Variants in BMPR1B observed in about 807,000 individuals in gnomAD.
BMPR1B encodes the protein bone morphogenetic protein receptor type-1B.
In BMPR1B, 12 loss-of-function variants were observed where a neutral mutation model predicts 59.1. That is an observed-to-expected ratio of 0.20 (90% CI 0.13 to 0.33). The LOEUF is 0.33. Ranked by LOEUF, BMPR1B falls within the 10% of genes least tolerant of loss-of-function variation. The pLI is 1.00. For missense variants in BMPR1B, 550 were observed against 610.9 expected, an observed-to-expected ratio of 0.90 and a Z score of 1.05; for synonymous variants, 237 against 207.3, an observed-to-expected ratio of 1.14 and a Z score of -1.23.
intron 3 of BMPR1B, among the ~76,000 whole-genome samples, chr4:95,086,005 G>GTGTA (rs1553935267): frequency 2.0e-5 from 3 of 151,884 alleles, no homozygotes; most frequent in Non-Finnish European, 4.4e-5. Context: ...GTGTGTGTGT[G>GTGTA]TGTGTGTAAA....
At chr4:95,123,935 T>A (rs1732719211) in intron 7 of BMPR1B, 29 bp downstream of exon 7, 1 of 1,496,656 alleles carries the variant, frequency 6.7e-7, no homozygotes, top group Non-Finnish European at 9.3e-7. Context: ...GATGCAAAAT[T>A]TTTAATTTAT....
At chr4:94,990,087 G>T (rs1027762878) in intron 2 of BMPR1B, among the ~76,000 whole-genome samples, 1 of 152,324 alleles carries the variant, frequency 6.6e-6, no homozygotes, top group African/African-American at 2.4e-5. Context: ...GCCGGGCATG[G>T]TGGCTCATGC....
intron 10 of BMPR1B, among the ~76,000 whole-genome samples, chr4:95,140,849 A>C (rs568304046): frequency 6.6e-6 from 1 of 152,320 alleles, no homozygotes; most frequent in South Asian, 2.1e-4. Context: ...ACAAAAAAGG[A>C]AAGTGAGTAT....
At chr4:94,772,610 C>T (rs1157907991) in intron 1 of BMPR1B, among the ~76,000 whole-genome samples, 4 of 151,944 alleles carry the variant, frequency 2.6e-5, no homozygotes, top group Admixed American at 2.6e-4. Context: ...ATAAATATTG[C>T]AAAAATGTAA....
intron 6 of BMPR1B, among the ~76,000 whole-genome samples, chr4:95,117,191 T>C (rs538528826): frequency 1.1e-3 from 167 of 152,140 alleles, no homozygotes; most frequent in Middle Eastern, 0.01. Context: ...ATATAGAAAG[T>C]TTAAAATTTA....
chr4:94,876,660 C>T (rs949778300), intron 2 of BMPR1B, among the ~76,000 whole-genome samples: 4 of 152,144 alleles, frequency 2.6e-5, no homozygotes, highest in Admixed American at 6.5e-5. Context: ...TACATTGAGA[C>T]CTCCTGATCT....
At chr4:94,758,689 C>T (rs1447347378) in intron 1 of BMPR1B, among the ~76,000 whole-genome samples, 2 of 152,114 alleles carry the variant, frequency 1.3e-5, no homozygotes, top group African/African-American at 2.4e-5. Flanking sequence ...CTCTTCTCCT[C>T]TCTCTCCTGC....
chr4:94,882,114 C>CT (rs1443058419), intron 2 of BMPR1B, among the ~76,000 whole-genome samples: 1 of 152,156 alleles, frequency 6.6e-6, no homozygotes, highest in African/African-American at 2.4e-5. Context: ...TCCTATGCTA[C>CT]TGTCCCCCTC....
chr4:94,840,900 C>A lies in BMPR1B; in HGVS notation c.-182-34931C>A, dbSNP rs1221861413. ...TTTCCCCATCTTTGTGGTTTTATCT[C>A]CTTTTGGTCTTTGATGATGGTGATG... is the stretch of plus-strand genomic sequence containing the variant. On this transcript the variant is annotated intron_variant, in intron 1 of 12. Transcript: ENST00000515059. 5.5e-4 allele frequency among the ~76,000 whole-genome samples: 77 copies of A among 140,414 alleles called. 1 individual carries two copies. Among genetic ancestry groups the A allele is most frequent in the African/African-American group, 6.3e-4 (24 of 37,986 alleles). 92.1% of individuals were successfully genotyped at this position (140,414 alleles called of 152,430 possible).
At chr4:94,924,989 C>T (rs1328924781) in intron 2 of BMPR1B, among the ~76,000 whole-genome samples, 1 of 152,112 alleles carries the variant, frequency 6.6e-6, no homozygotes, top group African/African-American at 2.4e-5. Context: ...AATCTCCTGG[C>T]CACTTAGACT....
At chr4:95,066,504 C>G (rs898401153) in intron 3 of BMPR1B, among the ~76,000 whole-genome samples, 3 of 152,196 alleles carry the variant, frequency 2.0e-5, no homozygotes, top group Non-Finnish European at 2.9e-5. Flanking sequence ...TATTCTGTAG[C>G]ATACAGGTTA....
intron 8 of BMPR1B, among the ~76,000 whole-genome samples, chr4:95,129,487 A>G (rs1437106942): frequency 2.0e-5 from 3 of 151,866 alleles, no homozygotes; most frequent in Admixed American, 6.6e-5. Context: ...ATATTTATAC[A>G]TGATTAGGTG....
chr4:94,931,845 G>A (rs928266874), intron 2 of BMPR1B, among the ~76,000 whole-genome samples: 1 of 152,008 alleles, frequency 6.6e-6, no homozygotes, highest in African/African-American at 2.4e-5. Context: ...ACCATGTGGC[G>A]TTTCCATTGT....
At chr4:95,087,980 C>T (rs1271052266) in intron 3 of BMPR1B, among the ~76,000 whole-genome samples, 3 of 151,930 alleles carry the variant, frequency 2.0e-5, no homozygotes, top group Non-Finnish European at 4.4e-5. Flanking sequence ...GATAAATAAG[C>T]CGATCTTATG....
rs375058476 is a variant in BMPR1B, at chr4:95,022,888, C to A, written c.-18+26754C>A. ...TCTGACAGAGGAAAAGAGACCAACC[C>A]GTTCTGTTGTAAGAAAGACTGTGCT... On this transcript the variant is annotated intron_variant, in intron 3 of 12. Coordinates refer to ENST00000515059, the MANE Select transcript of BMPR1B (RefSeq NM_001203.3). 2.6e-4 allele frequency among the ~76,000 whole-genome samples: 39 copies of A among 152,194 alleles called. No homozygotes were observed. In the South Asian group the frequency reaches 7.5e-3, roughly 29 times the overall value.
At chr4:94,826,434 C>T (rs1176158060) in intron 1 of BMPR1B, among the ~76,000 whole-genome samples, 1 of 152,174 alleles carries the variant, frequency 6.6e-6, no homozygotes, top group Non-Finnish European at 1.5e-5. Context: ...CCTTTGTTCT[C>T]TTTTGCACTG....
intron 3 of BMPR1B, among the ~76,000 whole-genome samples, chr4:95,061,724 C>G (rs1384151402): frequency 6.6e-6 from 1 of 152,154 alleles, no homozygotes; most frequent in Non-Finnish European, 1.5e-5. Context: ...TTAGGAATTA[C>G]TTTAGATTTG....
At chr4:94,770,180 G>GTTTTTTTTTTTTTTTTT (rs1553903537) in intron 1 of BMPR1B, among the ~76,000 whole-genome samples, 17 of 106,272 alleles carry the variant, frequency 1.6e-4, no homozygotes, top group African/African-American at 5.8e-4. Flanking sequence ...CTTCGTTTCT[G>GTTTTTTTTTTTTTTTTT]TGTTTGTTTT....
intron 3 of BMPR1B, among the ~76,000 whole-genome samples, chr4:95,070,610 G>A (rs1208197876): frequency 3.9e-5 from 6 of 152,128 alleles, no homozygotes; most frequent in Non-Finnish European, 8.8e-5. Flanking sequence ...GGATACTGTA[G>A]GGTAAACTAG....
Sources: gnomAD v4.1 joint callset for allele counts (sites outside exome capture counted in the v4.1 genomes callset) on GRCh38, gnomAD v4.1.1 for gene constraint, MANE v1.5 for transcripts, NCBI Gene and HGNC (gene_info 2026-07-23, HGNC 2026-07-21) for gene names.